ANGPT2: variants seen among roughly 807,000 people sequenced by gnomAD.
ANGPT2 encodes angiopoietin-2.
Under a neutral mutation model 62.9 loss-of-function variants are expected in ANGPT2, and 28 were observed. That is an observed-to-expected ratio of 0.44 (90% CI 0.33 to 0.61). The LOEUF (loss-of-function observed/expected upper bound fraction) is 0.61, where lower values mean the gene tolerates loss of function less well. Ranked by LOEUF, ANGPT2 falls within the 20% of genes least tolerant of loss-of-function variation. The pLI is 0.03. For missense variants in ANGPT2, 727 were observed against 594.9 expected, an observed-to-expected ratio of 1.22 and a Z score of -2.31; for synonymous variants, 284 against 207.8, an observed-to-expected ratio of 1.37 and a Z score of -3.15.
rs200686368 is a variant in ANGPT2 at position 6,513,867 on chromosome 8, C to G, written c.1030-23G>C. The G allele has an allele frequency of 3.1e-5, 49 of 1,579,880 alleles. No individual in the cohort carries two copies. The Middle Eastern group carries it at 5.1e-4, about 16-fold the overall frequency. ...TCCCTGTAATGCAAGTTGTTAAATT[C>G]AATTATTTCATGTAATTTTTTCTTT... On this transcript the variant is annotated intron_variant, in intron 6 of 8. Transcript: ENST00000629816.
intron 5 of ANGPT2, among the ~76,000 whole-genome samples, chr8:6,518,559 C>G (rs1486101130): frequency 6.6e-6 from 1 of 152,172 alleles, no homozygotes; most frequent in Non-Finnish European, 1.5e-5. Context: ...AATCAAGATA[C>G]ATGTTACTGT....
chr8:6,530,877 G>C (rs902272770), intron 2 of ANGPT2, among the ~76,000 whole-genome samples: 2 of 152,194 alleles, frequency 1.3e-5, no homozygotes, highest in Non-Finnish European at 2.9e-5. Context: ...GAGAGTGGCA[G>C]GGCTTATGGC....
intron 7 of ANGPT2, among the ~76,000 whole-genome samples, chr8:6,511,684 A>G (rs1462271803): frequency 6.6e-6 from 1 of 152,176 alleles, no homozygotes; most frequent in African/African-American, 2.4e-5. Context: ...TTTTCGATGT[A>G]ATATCTATTT....
At chr8:6,527,521 T>G (rs1222697250) in intron 3 of ANGPT2, 34 bp downstream of exon 3, 1 of 1,606,036 alleles carries the variant, frequency 6.2e-7, no homozygotes, top group East Asian at 2.2e-5. Flanking sequence ...AAGTGTGCAG[T>G]CCTGAATTAT....
At chr8:6,505,347 TATTCTTTCTATATGTATATAGA>T in intron 8 of ANGPT2, among the ~76,000 whole-genome samples, 2 of 69,312 alleles carry the variant, frequency 2.9e-5, no homozygotes, top group East Asian at 6.0e-4. Flanking sequence ...AGAATATATA[TATTCTTTCTATATGTATATAGA>T]ATATATATAT....
rs1812380091 is a variant in ANGPT2, at chr8:6,502,469, T to C, written c.*632A>G. 1 of 152,242 alleles carries C rather than the reference T, an allele frequency of 6.6e-6. No homozygotes were observed. The highest frequency in any genetic ancestry group is 1.5e-5 in the Non-Finnish European group (1 of 68,046). The allele number at this position is 152,242 out of a possible 1,614,324, so 9.4% of individuals were successfully genotyped here. A position where few individuals can be genotyped will look rare whatever the true frequency, so the allele number is the denominator to read the frequency against. The stretch of plus-strand genomic sequence containing the variant: ...AAATACGTATTTGAGCATTAACTTA[T>C]AACTAAGCTGTCAACATAAATGTAA... On this transcript the variant is annotated 3_prime_UTR_variant, in exon 9 of 9. Transcript: ENST00000629816.
intron 7 of ANGPT2, among the ~76,000 whole-genome samples, chr8:6,510,931 G>A (rs1454735646): frequency 6.6e-6 from 1 of 152,162 alleles, no homozygotes; most frequent in African/African-American, 2.4e-5. Flanking sequence ...GTCTCTAAAT[G>A]CCTGCTGCAA....
rs1308612077 is a variant in ANGPT2 at position 6,502,359 on chromosome 8, A to C, written c.*742T>G. On this transcript the variant is annotated 3_prime_UTR_variant, in exon 9 of 9. Transcript: ENST00000629816. ...CATATTTAACAATCAGGCAGAAAAA[A>C]ATAGTACGGTCTGCATATAAACTAA... 6.6e-6 allele frequency: 1 copy of C among 152,226 alleles called. No homozygotes were observed. The highest frequency in any genetic ancestry group is 1.5e-5 in the Non-Finnish European group (1 of 68,026). 9.4% of individuals were successfully genotyped at this position (152,226 alleles called of 1,614,324 possible). A position where few individuals can be genotyped will look rare whatever the true frequency, so the allele number is the denominator to read the frequency against.
chr8:6,557,307 G>A (rs1824784044), intron 1 of ANGPT2, among the ~76,000 whole-genome samples: 1 of 151,996 alleles, frequency 6.6e-6, no homozygotes, highest in Non-Finnish European at 1.5e-5. Context: ...AAATATACAG[G>A]CTTGCATCCA....
intron 1 of ANGPT2, among the ~76,000 whole-genome samples, chr8:6,555,462 G>T (rs1271857664): frequency 7.0e-6 from 1 of 142,336 alleles, no homozygotes; most frequent in Non-Finnish European, 1.5e-5. Flanking sequence ...GGGGTGGTTT[G>T]CCCTTTTTTT....
chr8:6,530,835 G>C (rs1819364949), intron 2 of ANGPT2, among the ~76,000 whole-genome samples: 1 of 152,192 alleles, frequency 6.6e-6, no homozygotes, highest in South Asian at 2.1e-4. Context: ...GACAATGAAA[G>C]AACAGCTGTG....
At chr8:6,545,060 G>A (rs1176424831) in intron 1 of ANGPT2, among the ~76,000 whole-genome samples, 1 of 152,120 alleles carries the variant, frequency 6.6e-6, no homozygotes, top group African/African-American at 2.4e-5. Context: ...CAGACATCAT[G>A]TTGGGTCACA....
chr8:6,524,104 C>A (rs1563342805), intron 3 of ANGPT2, among the ~76,000 whole-genome samples: 2 of 152,162 alleles, frequency 1.3e-5, no homozygotes. Context: ...ATGTCAGATT[C>A]CTCTCTCTGA....
chr8:6,555,732 C>G (rs2959765), intron 1 of ANGPT2, among the ~76,000 whole-genome samples: 20,051 of 152,044 alleles, frequency 0.13, 3,642 homozygotes, highest in African/African-American at 0.41. Context: ...GAAAGTGCTG[C>G]GATTACAGGC....
chr8:6,538,479 T>G (rs1820912568), intron 1 of ANGPT2, among the ~76,000 whole-genome samples: 1 of 152,180 alleles, frequency 6.6e-6, no homozygotes, highest in African/African-American at 2.4e-5. Flanking sequence ...TCCAGATTCC[T>G]TCTTTTTAAG....
At chr8:6,553,999 G>A (rs1024700953) in intron 1 of ANGPT2, among the ~76,000 whole-genome samples, 3 of 151,832 alleles carry the variant, frequency 2.0e-5, no homozygotes, top group Non-Finnish European at 4.4e-5. Flanking sequence ...ATAGAGAGAC[G>A]AGCGCACAAC....
intron 5 of ANGPT2, among the ~76,000 whole-genome samples, chr8:6,519,533 ACTTT>A (rs1220717681): frequency 1.3e-5 from 2 of 152,356 alleles, no homozygotes; most frequent in African/African-American, 4.8e-5. Context: ...TTTGGAAGAT[ACTTT>A]CTTTAAGGAA....
At chr8:6,506,627 T>A (rs1156640433) in intron 8 of ANGPT2, among the ~76,000 whole-genome samples, 1 of 152,118 alleles carries the variant, frequency 6.6e-6, no homozygotes, top group Non-Finnish European at 1.5e-5. Context: ...CTGTTCAGCT[T>A]TAAAAAGGAT....
chr8:6,528,104 C>A (rs903189582), intron 2 of ANGPT2, among the ~76,000 whole-genome samples: 1 of 152,068 alleles, frequency 6.6e-6, no homozygotes, highest in Non-Finnish European at 1.5e-5. Flanking sequence ...ACCATGTTGG[C>A]CAGGCTGGTC....
Sources: allele counts gnomAD v4.1 joint callset (sites outside exome capture counted in the v4.1 genomes callset), GRCh38; gene constraint gnomAD v4.1.1; transcripts MANE v1.5; gene names NCBI Gene and HGNC (gene_info 2026-07-23, HGNC 2026-07-21).